Variants in FNDC3B observed in about 807,000 individuals in gnomAD.
The protein encoded by FNDC3B is fibronectin type III domain-containing protein 3B.
Under a neutral mutation model 151.5 loss-of-function variants are expected in FNDC3B, and 12 were observed. The ratio of observed to expected loss-of-function variants is 0.08; its 90% confidence interval spans 0.05 to 0.13. The LOEUF (loss-of-function observed/expected upper bound fraction) is 0.13, where lower values mean the gene tolerates loss of function less well. FNDC3B is among the 10% of genes least tolerant of loss of function. The probability of loss-of-function intolerance (pLI) is 1.00; values close to 1 mark genes in which losing one functional copy is unlikely to be tolerated. For missense variants in FNDC3B, 1,214 were observed against 1,505.3 expected (o/e 0.81, Z 3.20); for synonymous variants, 528 against 549.0 (o/e 0.96, Z 0.54).
At chr3:172,168,779 C>T (rs1300525531) in intron 3 of FNDC3B, among the ~76,000 whole-genome samples, 5 of 147,862 alleles carry the variant, frequency 3.4e-5, no homozygotes, top group Middle Eastern at 3.5e-3. Context: ...GTGGCGCGAT[C>T]TCGGCTCACT....
chr3:172,310,986 A>G, intron 11 of FNDC3B, 105 bp downstream of exon 11: 5 of 824,824 alleles, frequency 6.1e-6, no homozygotes, highest in Non-Finnish European at 8.3e-6. Flanking sequence ...AACACAGAAA[A>G]AAGGAATGCT....
At chr3:172,093,845 T>C (rs931588616) in intron 1 of FNDC3B, among the ~76,000 whole-genome samples, 3 of 152,238 alleles carry the variant, frequency 2.0e-5, no homozygotes, top group Non-Finnish European at 2.9e-5. Context: ...AGGCCTCCCT[T>C]CAGAGATTCT....
At position 172,353,075 on chromosome 3, in the gene FNDC3B, C is replaced by T. The variant is rs780633606; in HGVS notation, c.2787C>T (p.Thr929=). Residue 929 remains threonine, a synonymous_variant, in exon 22 of 26, where the codon ACC becomes ACT. Coordinates refer to ENST00000415807, the MANE Select transcript of FNDC3B (RefSeq NM_022763.4). ...MHVMKDLLPE[T]TYRIRIQAIN... The stretch of plus-strand genomic sequence containing the variant: ...TTATGAAAGATCTCCTTCCAGAAAC[C>T]ACCTACCGGTGAGTGCAAGGGAGTA... 5 of 1,613,612 alleles carry T rather than the reference C, an allele frequency of 3.1e-6. No homozygotes were observed. Among genetic ancestry groups the T allele is most frequent in the African/African-American group, 1.3e-5 (1 of 74,948 alleles).
At position 172,352,050 on chromosome 3, in the gene FNDC3B, G is replaced by A. The variant is rs976889331; in HGVS notation, c.2515-753G>A. ...CAAGACGACATCTCCAAATGTTTGA[G>A]TAGAGGTAGAAAAGAGGAGGTACCG... On this transcript the variant is annotated intron_variant, in intron 21 of 25. Coordinates refer to ENST00000415807, the MANE Select transcript of FNDC3B (RefSeq NM_022763.4). The surrounding 1 kb of genome is among the most constrained non-coding windows in gnomAD (Gnocchi z 4.2). 6.6e-6 allele frequency among the ~76,000 whole-genome samples: 1 copy of A among 152,202 alleles called. No homozygotes were observed. Among genetic ancestry groups the A allele is most frequent in the Non-Finnish European group, 1.5e-5 (1 of 68,034 alleles).
At chr3:172,169,025 G>A (rs995812559) in intron 3 of FNDC3B, among the ~76,000 whole-genome samples, 2 of 95,054 alleles carry the variant, frequency 2.1e-5, no homozygotes, top group African/African-American at 8.3e-5. Context: ...GCTCACTGTT[G>A]TAAGAGCTAA....
In FNDC3B at chr3:172,156,210, G is replaced by A. The variant is rs186097614; in HGVS notation, c.187+22664G>A. On this transcript the variant is annotated intron_variant, in intron 3 of 25. Coordinates refer to ENST00000415807, the MANE Select transcript of FNDC3B (RefSeq NM_022763.4). Reference sequence around the variant, plus strand: ...AAGTCTCTTTGCCTTATTAAAAAAAGTTTTTATTAATCTCATGTGTTTTGC... The same window carrying A: ...AAGTCTCTTTGCCTTATTAAAAAAAATTTTTATTAATCTCATGTGTTTTGC... Among the ~76,000 whole-genome samples the A allele has an allele frequency of 3.3e-5, 5 of 152,298 alleles. No individual in the cohort carries two copies. In the East Asian group the frequency reaches 7.7e-4, roughly 23 times the overall value.
chr3:172,187,947 A>G (rs1263263476), intron 3 of FNDC3B, among the ~76,000 whole-genome samples: 1 of 151,768 alleles, frequency 6.6e-6, no homozygotes, highest in East Asian at 1.9e-4. Flanking sequence ...ATTCAACCCT[A>G]GGAATATACA....
chr3:172,154,058 G>A (rs992765699), intron 3 of FNDC3B, among the ~76,000 whole-genome samples: 2 of 152,100 alleles, frequency 1.3e-5, no homozygotes, highest in Admixed American at 6.5e-5. Flanking sequence ...CTCGATAAGC[G>A]CTTGTTTCAG....
intron 3 of FNDC3B, among the ~76,000 whole-genome samples, chr3:172,223,913 G>A (rs1576813316): frequency 1.3e-5 from 2 of 152,244 alleles, no homozygotes; most frequent in Admixed American, 6.5e-5. Flanking sequence ...GCTTTTGCGT[G>A]TAATGAATTT....
chr3:172,342,295 A>G (rs1733366505), intron 17 of FNDC3B, among the ~76,000 whole-genome samples: 1 of 152,242 alleles, frequency 6.6e-6, no homozygotes, highest in Non-Finnish European at 1.5e-5. Flanking sequence ...GTAAATCCAA[A>G]TCAAAGCTGA....
At chr3:172,396,212 C>T (rs528923681) in intron 25 of FNDC3B, among the ~76,000 whole-genome samples, 8 of 152,198 alleles carry the variant, frequency 5.3e-5, no homozygotes, top group South Asian at 2.1e-4. Flanking sequence ...CCGAATAGCT[C>T]GATAACATGA....
chr3:172,251,441 T>C lies in FNDC3B; in HGVS notation c.690T>C (p.Ser230=). 1 of 1,613,970 alleles carries C rather than the reference T, an allele frequency of 6.2e-7. No individual in the cohort carries two copies. Among genetic ancestry groups the C allele is most frequent in the Non-Finnish European group, 8.5e-7 (1 of 1,179,966 alleles). Residue 230 remains serine (S), a synonymous_variant, in exon 6 of 26, where the codon AGT becomes AGC. Transcript: ENST00000415807. The part of the protein sequence containing the change: ...TVYNGYGKGH[S]GGSGGGGSGS... ...ACAATGGCTATGGGAAGGGCCATAG[T>C]GGTGGAAGTGGCGGAGGCGGCAGCG...
chr3:172,352,321 T>C lies in FNDC3B; in HGVS notation c.2515-482T>C, dbSNP rs976962717. The stretch of plus-strand genomic sequence containing the variant: ...ATGAGTTTATTATTCATGTGGAAGA[T>C]AGAAGATGCCTTTTCCTATTGCTAT... On this transcript the variant is annotated intron_variant, in intron 21 of 25. Transcript: ENST00000415807. This position sits in a 1 kb window ranked among gnomAD's most constrained non-coding sequence, Gnocchi z 4.2. 4.6e-5 allele frequency among the ~76,000 whole-genome samples: 7 copies of C among 152,182 alleles called. No individual in the cohort carries two copies. The highest frequency in any genetic ancestry group is 1.9e-4 in the East Asian group (1 of 5,196).
chr3:172,369,309 G>A (rs993248240), intron 23 of FNDC3B, among the ~76,000 whole-genome samples: 2 of 152,174 alleles, frequency 1.3e-5, no homozygotes, highest in Non-Finnish European at 2.9e-5. Flanking sequence ...TCTGGGAAGA[G>A]TATCCTTGAA....
intron 6 of FNDC3B, among the ~76,000 whole-genome samples, chr3:172,275,773 A>G (rs898126182): frequency 4.0e-5 from 6 of 150,750 alleles, no homozygotes; most frequent in Non-Finnish European, 7.4e-5. Flanking sequence ...AAGACAGTGC[A>G]TTTTTCTTTT....
At chr3:172,161,992 G>GA in intron 3 of FNDC3B, among the ~76,000 whole-genome samples, 1 of 148,540 alleles carries the variant, frequency 6.7e-6, no homozygotes, top group Non-Finnish European at 1.5e-5. Flanking sequence ...TTTTTTTTGG[G>GA]GGGGGACAGA....
intron 23 of FNDC3B, among the ~76,000 whole-genome samples, chr3:172,373,277 G>A (rs1734971279): frequency 1.3e-5 from 2 of 152,314 alleles, no homozygotes; most frequent in African/African-American, 4.8e-5. Context: ...CAGGGTTGAA[G>A]CAATGCACAC....
At chr3:172,072,338 C>T (rs1278790441) in intron 1 of FNDC3B, among the ~76,000 whole-genome samples, 1 of 151,402 alleles carries the variant, frequency 6.6e-6, no homozygotes, top group African/African-American at 2.4e-5. Flanking sequence ...TTGTAGTTTG[C>T]GTTTCCTGGG....
intron 3 of FNDC3B, among the ~76,000 whole-genome samples, chr3:172,137,939 G>A (rs1271732618): frequency 1.3e-5 from 2 of 152,198 alleles, no homozygotes; most frequent in African/African-American, 4.8e-5. Flanking sequence ...CAATCAGTAT[G>A]AATTTTGCCT....
Sources: allele counts gnomAD v4.1 joint callset (sites outside exome capture counted in the v4.1 genomes callset), GRCh38; gene constraint gnomAD v4.1.1; non-coding constraint Gnocchi (gnomAD v3.1); transcripts MANE v1.5; gene names NCBI Gene and HGNC (gene_info 2026-07-23, HGNC 2026-07-21).